Variants in KCNU1 observed in about 807,000 individuals in gnomAD.
The protein encoded by KCNU1 is potassium calcium-activated channel subfamily U member 1.
A neutral mutation model predicts 126.8 loss-of-function variants in KCNU1; 93 were observed. That is an observed-to-expected ratio of 0.73 (90% CI 0.62 to 0.87). The LOEUF (loss-of-function observed/expected upper bound fraction) is 0.87, where lower values mean the gene tolerates loss of function less well. Among genes scored for constraint, KCNU1 ranks in the 40% least tolerant of loss-of-function variants. The pLI, the probability that KCNU1 is intolerant of heterozygous loss-of-function variation, is 0.00. For synonymous variants in KCNU1, 523 were observed against 494.2 expected, an observed-to-expected ratio of 1.06 and a Z score of -0.77; for missense variants, 1,330 against 1,367.1, an observed-to-expected ratio of 0.97 and a Z score of 0.43.
chr8:36,859,064 C>A (rs1805635631), intron 18 of KCNU1, among the ~76,000 whole-genome samples: 1 of 152,132 alleles, frequency 6.6e-6, no homozygotes, highest in Admixed American at 6.6e-5. Flanking sequence ...CTTCAATTTG[C>A]CAGATGATGG....
intron 19 of KCNU1, among the ~76,000 whole-genome samples, chr8:36,872,240 G>A (rs1323287664): frequency 6.6e-6 from 1 of 152,144 alleles, no homozygotes; most frequent in Non-Finnish European, 1.5e-5. Flanking sequence ...TCATGGATCA[G>A]GGACTTCAGC....
chr8:36,854,584 AT>A (rs937692077), intron 18 of KCNU1, among the ~76,000 whole-genome samples: 2 of 151,190 alleles, frequency 1.3e-5, no homozygotes, highest in Non-Finnish European at 2.9e-5. Context: ...ATTTGTAACT[AT>A]TTAATGACAT....
intron 19 of KCNU1, among the ~76,000 whole-genome samples, chr8:36,886,073 A>G (rs1806690340): frequency 6.6e-6 from 1 of 152,190 alleles, no homozygotes; most frequent in African/African-American, 2.4e-5. Context: ...CCACACCAAT[A>G]GGGCTTCAGT....
At chr8:36,867,759 C>T (rs1805963090) in intron 19 of KCNU1, among the ~76,000 whole-genome samples, 1 of 152,106 alleles carries the variant, frequency 6.6e-6, no homozygotes, top group Non-Finnish European at 1.5e-5. Flanking sequence ...AATAATTTAA[C>T]ATATCAGAAT....
intron 2 of KCNU1, among the ~76,000 whole-genome samples, chr8:36,788,356 T>C (rs1171571932): frequency 6.6e-6 from 1 of 152,198 alleles, no homozygotes. Flanking sequence ...GTCATGGAAA[T>C]GTTTATTTCC....
rs540305886 is a variant in KCNU1 at position 36,789,815 on chromosome 8, T to C, written c.315+2390T>C. On this transcript the variant is annotated intron_variant, in intron 2 of 26. Coordinates refer to ENST00000399881, the MANE Select transcript of KCNU1 (RefSeq NM_001031836.3). Reference sequence around the variant, plus strand: ...AATTGAAGAATTAAGGAAATAGAGTTCCAGATTGAGAGAATAGAATTGCGG... The same window carrying C: ...AATTGAAGAATTAAGGAAATAGAGTCCCAGATTGAGAGAATAGAATTGCGG... 1.7e-4 allele frequency among the ~76,000 whole-genome samples: 26 copies of C among 152,264 alleles called. 3 individuals carry two copies. In the South Asian group the frequency reaches 3.9e-3, roughly 23 times the overall value.
chr8:36,880,836 A>G (rs1160756396), intron 19 of KCNU1, among the ~76,000 whole-genome samples: 1 of 152,154 alleles, frequency 6.6e-6, no homozygotes, highest in East Asian at 1.9e-4. Flanking sequence ...AAGCTGAGAA[A>G]ATAAAAACCT....
At chr8:36,810,096 A>G (rs1374176301) in intron 7 of KCNU1, among the ~76,000 whole-genome samples, 1 of 152,166 alleles carries the variant, frequency 6.6e-6, no homozygotes, top group African/African-American at 2.4e-5. Flanking sequence ...TACTAAAAAT[A>G]CAAAAATTAG....
intron 24 of KCNU1, among the ~76,000 whole-genome samples, chr8:36,930,534 A>G (rs1808666742): frequency 6.6e-6 from 1 of 152,170 alleles, no homozygotes; most frequent in Non-Finnish European, 1.5e-5. Flanking sequence ...TGACAATAAT[A>G]TCATTAGTTC....
intron 24 of KCNU1, among the ~76,000 whole-genome samples, chr8:36,925,273 T>C (rs1808495683): frequency 6.6e-6 from 1 of 152,176 alleles, no homozygotes; most frequent in Non-Finnish European, 1.5e-5. Flanking sequence ...TTCAGAACTC[T>C]TGATAAGTAC....
intron 2 of KCNU1, among the ~76,000 whole-genome samples, chr8:36,792,501 G>C (rs1802939388): frequency 6.6e-6 from 1 of 152,164 alleles, no homozygotes; most frequent in Non-Finnish European, 1.5e-5. Flanking sequence ...GTCAGCAGGT[G>C]GAACAGTTCT....
intron 9 of KCNU1, among the ~76,000 whole-genome samples, chr8:36,816,335 T>TC (rs1292214647): frequency 6.6e-6 from 1 of 152,146 alleles, no homozygotes; most frequent in Non-Finnish European, 1.5e-5. Context: ...GGTTTTTTTT[T>TC]CCCATCTAAG....
At chr8:36,858,252 A>G (rs1455366372) in intron 18 of KCNU1, among the ~76,000 whole-genome samples, 1 of 149,102 alleles carries the variant, frequency 6.7e-6, no homozygotes, top group East Asian at 2.0e-4. Context: ...TGAAATCCCT[A>G]TTTCTACAGG....
At chr8:36,899,671 A>T (rs995125901) in intron 19 of KCNU1, among the ~76,000 whole-genome samples, 5 of 152,122 alleles carry the variant, frequency 3.3e-5, no homozygotes, top group African/African-American at 1.2e-4. Context: ...TGTTTATCTT[A>T]AAACATTTCA....
intron 23 of KCNU1, 70 bp from the exon 24 acceptor site, chr8:36,922,419 CT>C: frequency 1.3e-6 from 2 of 1,515,436 alleles, no homozygotes; most frequent in South Asian, 2.6e-5. Flanking sequence ...GCCCCTTGGC[CT>C]GCATGGATGG....
At chr8:36,895,870 G>A (rs1407397228) in intron 19 of KCNU1, among the ~76,000 whole-genome samples, 1 of 151,874 alleles carries the variant, frequency 6.6e-6, no homozygotes, top group African/African-American at 2.4e-5. Context: ...ATCAAAAGAA[G>A]AATCTAATAA....
intron 18 of KCNU1, among the ~76,000 whole-genome samples, chr8:36,850,141 T>C (rs544772482): frequency 2.6e-5 from 4 of 152,320 alleles, no homozygotes; most frequent in African/African-American, 9.6e-5. Flanking sequence ...TTAGATCCTA[T>C]TTTTAAATTT....
intron 24 of KCNU1, among the ~76,000 whole-genome samples, chr8:36,928,068 G>A (rs900761693): frequency 2.0e-5 from 3 of 151,894 alleles, no homozygotes; most frequent in Non-Finnish European, 4.4e-5. Flanking sequence ...GAAAGAAAGA[G>A]ATATTGAGAA....
chr8:36,925,451 C>G (rs1434031332), intron 24 of KCNU1, among the ~76,000 whole-genome samples: 1 of 152,172 alleles, frequency 6.6e-6, no homozygotes, highest in African/African-American at 2.4e-5. Flanking sequence ...TTGTACGCCA[C>G]AGCAAAATGA....
Sources: gnomAD v4.1 joint callset for allele counts (sites outside exome capture counted in the v4.1 genomes callset) on GRCh38, gnomAD v4.1.1 for gene constraint, MANE v1.5 for transcripts, NCBI Gene and HGNC (gene_info 2026-07-23, HGNC 2026-07-21) for gene names.